ATG10: variants seen among roughly 807,000 people sequenced by gnomAD.
The protein encoded by ATG10 is autophagy related 10, also known as ubiquitin-like-conjugating enzyme ATG10.
In ATG10, 30 loss-of-function variants were observed where a neutral mutation model predicts 32.1. The observed-to-expected ratio is 0.94, with a 90% CI of 0.70 to 1.27. The LOEUF (loss-of-function observed/expected upper bound fraction) is 1.27. Ranked by LOEUF, ATG10 falls within the 50% of genes most tolerant of loss-of-function variation. ATG10 has a pLI of 0.00. For synonymous variants in ATG10, 87 were observed against 91.5 expected (o/e 0.95, Z 0.28); for missense variants, 233 against 262.3 (o/e 0.89, Z 0.77).
chr5:82,217,988 A>C (rs1745754299), intron 5 of ATG10, among the ~76,000 whole-genome samples: 1 of 151,626 alleles, frequency 6.6e-6, no homozygotes. Context: ...AAATTAAAAC[A>C]AAACAAAACC....
intron 5 of ATG10, among the ~76,000 whole-genome samples, chr5:82,247,533 T>C (rs1747084997): frequency 6.6e-6 from 1 of 152,188 alleles, no homozygotes; most frequent in African/African-American, 2.4e-5. Context: ...TGCAGAGCCA[T>C]TGTCATAATT....
chr5:82,212,776 C>T (rs1316760566), intron 5 of ATG10, among the ~76,000 whole-genome samples: 2 of 152,140 alleles, frequency 1.3e-5, no homozygotes, highest in African/African-American at 4.8e-5. Context: ...TTCTCAAGTT[C>T]ATCCTATATT....
chr5:82,036,917 G>A (rs1194899620), intron 2 of ATG10, among the ~76,000 whole-genome samples: 1 of 151,504 alleles, frequency 6.6e-6, no homozygotes. Flanking sequence ...CACATCACAC[G>A]GTCAAGAGAT....
At chr5:82,224,803 G>T (rs1339357246) in intron 5 of ATG10, among the ~76,000 whole-genome samples, 1 of 152,182 alleles carries the variant, frequency 6.6e-6, no homozygotes, top group Admixed American at 6.5e-5. Context: ...ATTTATTCAA[G>T]CCTCTTAAAT....
chr5:82,230,491 T>C lies in ATG10; in HGVS notation c.454-22071T>C, dbSNP rs1581830251. Among the ~76,000 whole-genome samples the C allele has an allele frequency of 2.0e-5, 3 of 152,222 alleles. No homozygotes were observed. The Middle Eastern group carries it at 0.01, about 518-fold the overall frequency. On this transcript the variant is annotated intron_variant, in intron 5 of 7. Transcript: ENST00000282185. The stretch of plus-strand genomic sequence containing the variant: ...GCTCACGCCTGTAATCCCAGCACTT[T>C]GGGATGCCGAGGCGGGTGGATCACG...
At chr5:82,240,468 A>G (rs1746742917) in intron 5 of ATG10, among the ~76,000 whole-genome samples, 2 of 152,188 alleles carry the variant, frequency 1.3e-5, no homozygotes, top group Non-Finnish European at 2.9e-5. Context: ...AAAATAATTG[A>G]TCTCATGGAG....
chr5:82,014,507 G>A (rs992817103), intron 2 of ATG10, among the ~76,000 whole-genome samples: 13 of 152,148 alleles, frequency 8.5e-5, no homozygotes, highest in African/African-American at 2.9e-4. Context: ...ATGAATCTGG[G>A]TGCTCCTGTA....
chr5:82,100,722 G>A (rs1004475034), intron 3 of ATG10, among the ~76,000 whole-genome samples: 5 of 150,210 alleles, frequency 3.3e-5, no homozygotes, highest in African/African-American at 1.2e-4. Flanking sequence ...ACAAGGCAGG[G>A]AAAGTCTGGT....
At chr5:82,145,221 A>G (rs1429136311) in intron 3 of ATG10, among the ~76,000 whole-genome samples, 1 of 152,060 alleles carries the variant, frequency 6.6e-6, no homozygotes, top group African/African-American at 2.4e-5. Flanking sequence ...CTTTTAATTA[A>G]AATGTTTAGT....
At chr5:82,100,663 A>G (rs1445608929) in intron 3 of ATG10, among the ~76,000 whole-genome samples, 2 of 152,052 alleles carry the variant, frequency 1.3e-5, no homozygotes, top group African/African-American at 2.4e-5. Context: ...TGCCTTGATC[A>G]TCACCTAAAG....
At chr5:82,207,527 TGA>T (rs770721465) in intron 5 of ATG10, among the ~76,000 whole-genome samples, 1 of 152,240 alleles carries the variant, frequency 6.6e-6, no homozygotes, top group Non-Finnish European at 1.5e-5. Context: ...ATTTGAGGTA[TGA>T]GTTCTTTGAT....
intron 3 of ATG10, among the ~76,000 whole-genome samples, chr5:82,155,932 T>C (rs1767781529): frequency 6.6e-6 from 1 of 152,116 alleles, no homozygotes; most frequent in Non-Finnish European, 1.5e-5. Flanking sequence ...AATCTACTGT[T>C]GAATATAATA....
chr5:81,996,363 C>T (rs1023101645), intron 2 of ATG10, among the ~76,000 whole-genome samples: 2 of 152,090 alleles, frequency 1.3e-5, no homozygotes, highest in Non-Finnish European at 2.9e-5. Flanking sequence ...TCAGCCTCCC[C>T]GAGTAGTTGG....
chr5:82,229,647 G>A (rs1746267916), intron 5 of ATG10, among the ~76,000 whole-genome samples: 1 of 152,140 alleles, frequency 6.6e-6, no homozygotes, highest in Non-Finnish European at 1.5e-5. Flanking sequence ...ATACAAACTG[G>A]CACAGAATCT....
chr5:82,094,455 A>C (rs558686680), intron 3 of ATG10, among the ~76,000 whole-genome samples: 3 of 152,236 alleles, frequency 2.0e-5, no homozygotes, highest in Non-Finnish European at 4.4e-5. Flanking sequence ...AACGGGTACT[A>C]ATACATTCTG....
At position 81,984,210 on chromosome 5, in the gene ATG10, C is replaced by T. The variant is rs556197194; in HGVS notation, c.-12-3349C>T. On this transcript the variant is annotated intron_variant, in intron 1 of 7. Coordinates refer to ENST00000282185, the MANE Select transcript of ATG10 (RefSeq NM_031482.5). The stretch of plus-strand genomic sequence containing the variant: ...GAGGCCGAGGCTGGCGGATCACTCG[C>T]GGTTAGGAGCTGGAGACCAGCCCGG... Among the ~76,000 whole-genome samples, 831 of 152,376 alleles carry T rather than the reference C, an allele frequency of 5.5e-3. 5 individuals are homozygous for T. Among genetic ancestry groups the T allele is most frequent in the African/African-American group, 0.019 (794 of 41,590 alleles).
intron 2 of ATG10, among the ~76,000 whole-genome samples, chr5:82,039,621 G>A (rs1763026527): frequency 6.6e-6 from 1 of 152,166 alleles, no homozygotes; most frequent in Non-Finnish European, 1.5e-5. Flanking sequence ...TAAAAAGTAT[G>A]CAAGATAAAG....
intron 1 of ATG10, among the ~76,000 whole-genome samples, chr5:81,982,407 A>C (rs1195924046): frequency 6.6e-6 from 1 of 152,202 alleles, no homozygotes; most frequent in African/African-American, 2.4e-5. Context: ...TGGAGGTTGT[A>C]GTGAACCGAT....
intron 3 of ATG10, among the ~76,000 whole-genome samples, chr5:82,103,797 G>A (rs73768627): frequency 0.024 from 3,703 of 152,118 alleles, 150 homozygotes; most frequent in African/African-American, 0.084. Flanking sequence ...GATCCCACTC[G>A]TGCAACCAAT....
Sources: gnomAD v4.1 joint callset for allele counts (sites outside exome capture counted in the v4.1 genomes callset) on GRCh38, gnomAD v4.1.1 for gene constraint, MANE v1.5 for transcripts, NCBI Gene and HGNC (gene_info 2026-07-23, HGNC 2026-07-21) for gene names.